Variants in PTPRS observed in about 807,000 individuals in gnomAD.
PTPRS encodes protein tyrosine phosphatase receptor type S, also known as receptor-type tyrosine-protein phosphatase S.
A neutral mutation model predicts 215.3 loss-of-function variants in PTPRS; 63 were observed. The observed-to-expected ratio is 0.29, with a 90% CI of 0.24 to 0.36. PTPRS has a LOEUF of 0.36. Among genes scored for constraint, PTPRS ranks in the 10% least tolerant of loss-of-function variants. The probability of loss-of-function intolerance (pLI) is 1.00; values close to 1 mark genes in which losing one functional copy is unlikely to be tolerated. For synonymous variants in PTPRS, 1,404 were observed against 1,191.4 expected (o/e 1.18, Z -3.68); for missense variants, 2,258 against 2,825.8 (o/e 0.80, Z 4.56).
intron 35 of PTPRS, among the ~76,000 whole-genome samples, chr19:5,208,903 CTG>C (rs995518658): frequency 1.3e-5 from 2 of 152,194 alleles, no homozygotes; most frequent in African/African-American, 4.8e-5. Context: ...ATCTTCCACT[CTG>C]TGCCATTTCG....
intron 13 of PTPRS, among the ~76,000 whole-genome samples, chr19:5,233,946 C>CAAAAAAA (rs57529862): frequency 0.024 from 658 of 27,774 alleles, 228 homozygotes; most frequent in South Asian, 0.066. Flanking sequence ...ACTCCATCTC[C>CAAAAAAA]AAAAAAAAAA....
intron 1 of PTPRS, among the ~76,000 whole-genome samples, chr19:5,298,714 C>T (rs562717951): frequency 4.6e-5 from 7 of 152,254 alleles, no homozygotes; most frequent in Non-Finnish European, 8.8e-5. Flanking sequence ...CACAGGCACG[C>T]CCCAGCTCCA....
chr19:5,290,956 G>A (rs1035116232), intron 1 of PTPRS, among the ~76,000 whole-genome samples: 7 of 152,032 alleles, frequency 4.6e-5, no homozygotes, highest in Non-Finnish European at 8.8e-5. Flanking sequence ...AGCAAGCACA[G>A]GCTCTGTGGC....
At chr19:5,239,408 T>G (rs181837085) in intron 12 of PTPRS, among the ~76,000 whole-genome samples, 7 of 123,504 alleles carry the variant, frequency 5.7e-5, no homozygotes, top group African/African-American at 9.6e-5. Context: ...GTGACAGAGA[T>G]AGAGACAGAG....
intron 30 of PTPRS, among the ~76,000 whole-genome samples, chr19:5,213,276 C>T (rs1324450644): frequency 5.3e-5 from 8 of 152,208 alleles, no homozygotes; most frequent in African/African-American, 1.9e-4. Context: ...AGATCTGGTA[C>T]CTCCTCTGCC....
rs376549717 is a variant in PTPRS at position 5,238,906 on chromosome 19, G to A, written c.1849+13C>T. The A allele has an allele frequency of 4.6e-4, 728 of 1,576,986 alleles. 3 individuals carry two copies. The African/African-American group carries it at 8.5e-3, about 18-fold the overall frequency. On this transcript the variant is annotated intron_variant, in intron 13 of 37. Coordinates refer to ENST00000262963, the MANE Select transcript of PTPRS (RefSeq NM_002850.4). ...CCCTCCCGCAGAGAAGGGCGGCCCC[G>A]CGAGACACCTACTGGACTGCAGCGT... is the stretch of plus-strand genomic sequence containing the variant.
chr19:5,292,770 C>G (rs1049688654), intron 1 of PTPRS: 1 of 152,284 alleles, frequency 6.6e-6, no homozygotes, highest in African/African-American at 2.4e-5. Context: ...CCGCCTTCTG[C>G]GAAGTCCCCA....
intron 1 of PTPRS, among the ~76,000 whole-genome samples, chr19:5,307,022 G>A (rs945855297): frequency 1.3e-5 from 2 of 152,150 alleles, no homozygotes; most frequent in African/African-American, 4.8e-5. Flanking sequence ...CAGTACAAGG[G>A]GGCCAGGCAC....
At chr19:5,256,867 T>C (rs1398723351) in intron 8 of PTPRS, among the ~76,000 whole-genome samples, 1 of 151,270 alleles carries the variant, frequency 6.6e-6, no homozygotes, top group Non-Finnish European at 1.5e-5. Context: ...AGGTGGTGAG[T>C]GAGGGTCTGT....
At chr19:5,305,939 CAAAAAAAAAA>C (rs35165317) in intron 1 of PTPRS, among the ~76,000 whole-genome samples, 741 of 22,566 alleles carry the variant, frequency 0.033, 1 homozygote, top group South Asian at 0.051. Flanking sequence ...GACTCCGTCT[CAAAAAAAAAA>C]AAAAAAAAAA....
intron 7 of PTPRS, among the ~76,000 whole-genome samples, chr19:5,259,434 C>T (rs2045817775): frequency 6.6e-6 from 1 of 152,146 alleles, no homozygotes; most frequent in Non-Finnish European, 1.5e-5. Context: ...AAACCACATG[C>T]CTGAAACAAG....
At chr19:5,267,533 T>C (rs2046506045) in intron 4 of PTPRS, among the ~76,000 whole-genome samples, 1 of 151,818 alleles carries the variant, frequency 6.6e-6, no homozygotes. Flanking sequence ...GGCGGACGCC[T>C]GTAATCCCAG....
chr19:5,242,540 G>A (rs1412726281), intron 11 of PTPRS, among the ~76,000 whole-genome samples: 1 of 135,992 alleles, frequency 7.4e-6, no homozygotes, highest in East Asian at 3.0e-4. Context: ...GCTAATTTTT[G>A]TATTTTTTTT....
At position 5,293,486 on chromosome 19, in the gene PTPRS, G is replaced by A. The variant is rs1204753035; in HGVS notation, c.-94-7252C>T. The stretch of plus-strand genomic sequence containing the variant: ...ACTGAGCGAAGGGGCGCCCCAGGGA[G>A]GGCACGACCCAAGACCCCTCCCTCC... On this transcript the variant is annotated intron_variant, in intron 1 of 37. Transcript: ENST00000262963. This position sits in a 1 kb window ranked among gnomAD's most constrained non-coding sequence, Gnocchi z 8.4. 6.6e-6 allele frequency among the ~76,000 whole-genome samples: 1 copy of A among 152,118 alleles called. No individual in the cohort carries two copies. The highest frequency in any genetic ancestry group is 1.5e-5 in the Non-Finnish European group (1 of 67,996).
At position 5,225,544 on chromosome 19, in the gene PTPRS, CG is replaced by C. The variant is rs35664173; in HGVS notation, c.2494+182del. 1.4e-4 allele frequency among the ~76,000 whole-genome samples: 18 copies of C among 128,756 alleles called. 1 individual carries two copies. In the Admixed American group the frequency reaches 1.4e-3, roughly 10 times the overall value. 84.5% of individuals were successfully genotyped at this position (128,756 alleles called of 152,430 possible). A position where few individuals can be genotyped will look rare whatever the true frequency, so the allele number is the denominator to read the frequency against. Reference sequence around the variant, plus strand: ...TGAGTGACAAAGGAGGAGGCAGGGGCGGGGGGGGCCAAGCTGGGCCCTGGAC... The same window carrying C: ...TGAGTGACAAAGGAGGAGGCAGGGGCGGGGGGGCCAAGCTGGGCCCTGGAC... On this transcript the variant is annotated intron_variant, in intron 17 of 37. Coordinates refer to ENST00000262963, the MANE Select transcript of PTPRS (RefSeq NM_002850.4).
intron 1 of PTPRS, among the ~76,000 whole-genome samples, chr19:5,292,308 G>A (rs991021465): frequency 1.2e-4 from 18 of 152,226 alleles, no homozygotes; most frequent in Non-Finnish European, 2.4e-4. Context: ...CCCAGGCAAT[G>A]GAGACCGAGA....
intron 1 of PTPRS, among the ~76,000 whole-genome samples, chr19:5,329,074 C>T (rs1468576513): frequency 5.9e-5 from 9 of 151,988 alleles, no homozygotes; most frequent in South Asian, 2.1e-4. Context: ...GCAGACAGAG[C>T]GATATCGTGA....
At chr19:5,286,498 T>C in intron 1 of PTPRS, 1 of 296,584 alleles carries the variant, frequency 3.4e-6, no homozygotes, top group Non-Finnish European at 6.7e-6. Flanking sequence ...GTTTGGGAAG[T>C]GACTAGGTCA....
chr19:5,262,885 TG>T, intron 6 of PTPRS, 78 bp downstream of exon 6: 1 of 1,423,776 alleles, frequency 7.0e-7, no homozygotes, highest in Non-Finnish European at 9.7e-7. Flanking sequence ...GCTGTTAGTT[TG>T]GTGAGGAGAA....
Sources: gnomAD v4.1 joint callset for allele counts (sites outside exome capture counted in the v4.1 genomes callset) on GRCh38, gnomAD v4.1.1 for gene constraint, Gnocchi (gnomAD v3.1) non-coding constraint, MANE v1.5 for transcripts, NCBI Gene and HGNC (gene_info 2026-07-23, HGNC 2026-07-21) for gene names.